The following DRC8 variants were observed in gnomAD, a reference collection of about 807,000 sequenced individuals.
DRC8 encodes the protein dynein regulatory complex protein 8.
chr1:244,977,842 C>T, the DRC8 span, among the ~76,000 whole-genome samples: 5 of 152,032 alleles, frequency 3.3e-5, no homozygotes, highest in African/African-American at 1.2e-4. Flanking sequence ...ATTTGCATGT[C>T]CAACTAATGG....
At chr1:245,086,758 AG>A in the DRC8 span, 1 of 533,474 alleles carries the variant, frequency 1.9e-6, no homozygotes, top group Admixed American at 1.9e-5. Context: ...CCCCCATTCT[AG>A]AGACAGGTAA....
At chr1:245,079,849 G>A in the DRC8 span, among the ~76,000 whole-genome samples, 1 of 152,182 alleles carries the variant, frequency 6.6e-6, no homozygotes, top group African/African-American at 2.4e-5. Context: ...TATTTGCCCG[G>A]GGCTCCTGAG....
At chr1:245,106,536 A>G in the DRC8 span, among the ~76,000 whole-genome samples, 5 of 151,920 alleles carry the variant, frequency 3.3e-5, no homozygotes, top group Non-Finnish European at 7.4e-5. Flanking sequence ...AAAATAATGT[A>G]TATTTAAAAA....
the DRC8 span, among the ~76,000 whole-genome samples, chr1:245,020,063 C>A: frequency 7.1e-5 from 8 of 112,558 alleles, no homozygotes; most frequent in African/African-American, 4.0e-4. Context: ...ACGCCCCCCG[C>A]CCCCAGGCAC....
the DRC8 span, among the ~76,000 whole-genome samples, chr1:245,089,492 T>C: frequency 6.6e-6 from 1 of 151,856 alleles, no homozygotes; most frequent in Non-Finnish European, 1.5e-5. The surrounding 1 kb of genome is among the most constrained non-coding windows in gnomAD (Gnocchi z 4.8). Flanking sequence ...AGAAGCATCT[T>C]GGATGCCAAG....
At chr1:244,995,310 G>A in the DRC8 span, among the ~76,000 whole-genome samples, 5 of 151,822 alleles carry the variant, frequency 3.3e-5, no homozygotes, top group East Asian at 1.9e-4. Flanking sequence ...GCAGTGAGCC[G>A]AGATTGTGCC....
chr1:245,018,276 G>A, the DRC8 span, among the ~76,000 whole-genome samples: 2 of 151,446 alleles, frequency 1.3e-5, no homozygotes, highest in South Asian at 2.1e-4. Flanking sequence ...TCAGGAGGCC[G>A]GGCTAAATGA....
At chr1:245,032,085 T>C in the DRC8 span, among the ~76,000 whole-genome samples, 1 of 152,230 alleles carries the variant, frequency 6.6e-6, no homozygotes, top group East Asian at 1.9e-4. Context: ...ATATCACAGA[T>C]AGAAGAAGTA....
the DRC8 span, among the ~76,000 whole-genome samples, chr1:244,984,312 A>G: frequency 1.3e-3 from 191 of 152,286 alleles, 1 homozygote; most frequent in African/African-American, 4.5e-3. Context: ...TATGATCAGG[A>G]TAAAATACAG....
the DRC8 span, among the ~76,000 whole-genome samples, chr1:245,092,799 T>C: frequency 2.0e-5 from 3 of 152,176 alleles, no homozygotes; most frequent in Non-Finnish European, 4.4e-5. Flanking sequence ...AGACATTTAA[T>C]ATTGCTGAGC....
chr1:245,056,402 T>C, the DRC8 span, among the ~76,000 whole-genome samples: 5 of 152,208 alleles, frequency 3.3e-5, no homozygotes, highest in African/African-American at 9.6e-5. Flanking sequence ...TTCAAGCGAT[T>C]CTCCTGCCTC....
At chr1:245,061,035 A>T in the DRC8 span, among the ~76,000 whole-genome samples, 6 of 65,260 alleles carry the variant, frequency 9.2e-5, no homozygotes, top group Non-Finnish European at 2.1e-4. Context: ...CCTTTGCAGA[A>T]AAAGGTTGCC....
At chr1:245,003,350 A>G in the DRC8 span, among the ~76,000 whole-genome samples, 1 of 152,222 alleles carries the variant, frequency 6.6e-6, no homozygotes, top group Admixed American at 6.5e-5. Context: ...GTGTAACTTT[A>G]TGAGGAACTA....
At chr1:245,010,353 A>G in the DRC8 span, among the ~76,000 whole-genome samples, 1 of 152,192 alleles carries the variant, frequency 6.6e-6, no homozygotes, top group Non-Finnish European at 1.5e-5. Context: ...GGCACCTGGA[A>G]CAGAAACTTC....
At chr1:245,098,881 C>T in the DRC8 span, among the ~76,000 whole-genome samples, 22 of 152,170 alleles carry the variant, frequency 1.4e-4, no homozygotes, top group African/African-American at 4.3e-4. Context: ...TGGCGGCTGT[C>T]GAAAGTAAGC....
the DRC8 span, among the ~76,000 whole-genome samples, chr1:245,050,780 C>A: frequency 6.6e-6 from 1 of 151,996 alleles, no homozygotes; most frequent in Admixed American, 6.6e-5. Flanking sequence ...GGAGTTTTTT[C>A]TTCCTCTTTT....
At chr1:245,087,833 T>G in the DRC8 span, 4 of 799,222 alleles carry the variant, frequency 5.0e-6, no homozygotes, top group Non-Finnish European at 6.1e-6. Flanking sequence ...TAAATATTAC[T>G]AATTTATTTT....
chr1:245,039,244 T>C, the DRC8 span, among the ~76,000 whole-genome samples: 213 of 133,042 alleles, frequency 1.6e-3, 2 homozygotes, highest in South Asian at 0.011. Flanking sequence ...TTTAGAGTTA[T>C]ATAAATGCAA....
the DRC8 span, among the ~76,000 whole-genome samples, chr1:245,083,217 C>T: frequency 3.9e-5 from 6 of 152,078 alleles, no homozygotes; most frequent in African/African-American, 9.7e-5. Flanking sequence ...GTGAACTGTG[C>T]GTGTTAGGGA....
Sources: gnomAD v4.1 joint callset for allele counts (sites outside exome capture counted in the v4.1 genomes callset) on GRCh38, gnomAD v4.1.1 for gene constraint, Gnocchi (gnomAD v3.1) non-coding constraint, MANE v1.5 for transcripts, NCBI Gene and HGNC (gene_info 2026-07-23, HGNC 2026-07-21) for gene names.